CTNNA2: variants seen among roughly 807,000 people sequenced by gnomAD.
CTNNA2 encodes catenin alpha 2, also known as catenin alpha-2.
In CTNNA2, 42 loss-of-function variants were observed where a neutral mutation model predicts 101.0. The ratio of observed to expected loss-of-function variants is 0.42; its 90% CI spans 0.32 to 0.54. The LOEUF is 0.54. Among genes scored for constraint, CTNNA2 ranks in the 20% least tolerant of loss-of-function variants. CTNNA2 has a pLI of 0.14. For missense variants in CTNNA2, 871 were observed against 1,223.1 expected, an observed-to-expected ratio of 0.71 and a Z score of 4.29; for synonymous variants, 450 against 456.4, an observed-to-expected ratio of 0.99 and a Z score of 0.18.
intron 18 of CTNNA2, among the ~76,000 whole-genome samples, chr2:80,634,910 T>C (rs1373344265): frequency 4.6e-5 from 7 of 152,108 alleles, no homozygotes; most frequent in South Asian, 4.1e-4. Flanking sequence ...TGAAGAGGCA[T>C]GCACGAGGGT....
intron 4 of CTNNA2, among the ~76,000 whole-genome samples, chr2:79,480,451 A>C (rs766936103): frequency 6.6e-6 from 1 of 152,168 alleles, no homozygotes; most frequent in Non-Finnish European, 1.5e-5. Context: ...GAAGACTCAG[A>C]TCTTTCTTCA....
intron 9 of CTNNA2, among the ~76,000 whole-genome samples, chr2:80,507,671 G>C (rs1688380450): frequency 6.6e-6 from 1 of 152,116 alleles, no homozygotes; most frequent in Non-Finnish European, 1.5e-5. Flanking sequence ...CTTGCTCACT[G>C]TCAGGAACTA....
intron 4 of CTNNA2, among the ~76,000 whole-genome samples, chr2:79,457,212 A>C (rs1221306170): frequency 1.3e-5 from 2 of 151,824 alleles, no homozygotes; most frequent in African/African-American, 4.8e-5. Context: ...AAAAAAAAAA[A>C]AAAAGAAAAA....
At chr2:80,151,068 G>A (rs1703664843) in intron 7 of CTNNA2, among the ~76,000 whole-genome samples, 1 of 152,176 alleles carries the variant, frequency 6.6e-6, no homozygotes, top group South Asian at 2.1e-4. Context: ...TTCTCTGTAA[G>A]CCTACTTTAA....
intron 1 of CTNNA2, among the ~76,000 whole-genome samples, chr2:79,560,881 G>T (rs757440027): frequency 2.0e-5 from 3 of 151,746 alleles, no homozygotes; most frequent in African/African-American, 4.8e-5. Context: ...TAATTCCTGA[G>T]ATTTTTGTTC....
intron 7 of CTNNA2, chr2:80,162,643 T>C (rs886757127): frequency 2.0e-5 from 33 of 1,612,244 alleles, no homozygotes; most frequent in African/African-American, 2.7e-5. Context: ...TGAGAATTCA[T>C]TCTGACTTTA....
chr2:79,931,062 A>G (rs1272317631), intron 7 of CTNNA2, among the ~76,000 whole-genome samples: 2 of 152,180 alleles, frequency 1.3e-5, no homozygotes, highest in Non-Finnish European at 2.9e-5. Flanking sequence ...TTTTTAAATT[A>G]TGAAATTTCA....
intron 12 of CTNNA2, among the ~76,000 whole-genome samples, chr2:80,565,940 T>C (rs1694020047): frequency 6.6e-6 from 1 of 152,188 alleles, no homozygotes; most frequent in African/African-American, 2.4e-5. Context: ...CGTGTAAAAT[T>C]AAATATCAAG....
At chr2:80,369,717 T>C (rs1310200801) in intron 7 of CTNNA2, among the ~76,000 whole-genome samples, 1 of 152,088 alleles carries the variant, frequency 6.6e-6, no homozygotes, top group Non-Finnish European at 1.5e-5. Context: ...ATTTGAGTCT[T>C]CAAAGGTAGA....
chr2:80,589,597 G>A lies in CTNNA2; in HGVS notation c.2189+112G>A, dbSNP rs972361055. 22 of 970,984 alleles carry A rather than the reference G, an allele frequency of 2.3e-5. No individual in the cohort carries two copies. The African/African-American group carries it at 3.5e-4, about 15-fold the overall frequency. 60.1% of individuals were successfully genotyped at this position (970,984 alleles called of 1,614,324 possible). A position where few individuals can be genotyped will look rare whatever the true frequency, so the allele number is the denominator to read the frequency against. Reference sequence around the variant, plus strand: ...AAATTAAAATATACCAACGCAAGGTGGTGGTATTATAAATTTACATGTATA... The same window carrying A: ...AAATTAAAATATACCAACGCAAGGTAGTGGTATTATAAATTTACATGTATA... On this transcript the variant is annotated intron_variant, in intron 15 of 18. Transcript: ENST00000402739.
chr2:79,693,518 C>T (rs1012021755), intron 2 of CTNNA2, among the ~76,000 whole-genome samples: 2 of 151,712 alleles, frequency 1.3e-5, no homozygotes, highest in Non-Finnish European at 2.9e-5. Context: ...TGTTTTTGTA[C>T]TAATGGGAAT....
chr2:80,274,287 C>T (rs566741258), intron 7 of CTNNA2, among the ~76,000 whole-genome samples: 1 of 152,240 alleles, frequency 6.6e-6, no homozygotes, highest in African/African-American at 2.4e-5. Context: ...AGAGACTGTC[C>T]TTTTGCAAAA....
At chr2:79,879,726 G>A (rs1683282466) in intron 6 of CTNNA2, among the ~76,000 whole-genome samples, 1 of 152,116 alleles carries the variant, frequency 6.6e-6, no homozygotes, top group African/African-American at 2.4e-5. Context: ...GGGCTGACAT[G>A]ATGGGGTTTT....
At chr2:79,202,015 A>C (rs961757566) in intron 2 of CTNNA2, among the ~76,000 whole-genome samples, 1 of 152,220 alleles carries the variant, frequency 6.6e-6, no homozygotes, top group Non-Finnish European at 1.5e-5. Flanking sequence ...GGGAGCTTCC[A>C]GATTAGAAGT....
intron 2 of CTNNA2, among the ~76,000 whole-genome samples, chr2:79,678,270 G>A (rs535612331): frequency 1.3e-5 from 2 of 152,048 alleles, no homozygotes; most frequent in African/African-American, 4.8e-5. Context: ...TGCTGGGCGC[G>A]GTAGCTCACT....
At chr2:80,162,376 A>C in intron 7 of CTNNA2, 5 of 1,392,780 alleles carry the variant, frequency 3.6e-6, no homozygotes, top group Non-Finnish European at 4.8e-6. Flanking sequence ...GTTTTTCAAC[A>C]AAATATTTCC....
intron 7 of CTNNA2, among the ~76,000 whole-genome samples, chr2:80,365,870 AGAG>A (rs1210188422): frequency 6.6e-6 from 1 of 152,190 alleles, no homozygotes; most frequent in South Asian, 2.1e-4. Flanking sequence ...TCAATGAATC[AGAG>A]GAGAAGAGTG....
intron 9 of CTNNA2, among the ~76,000 whole-genome samples, chr2:80,463,972 A>G (rs1684659671): frequency 6.6e-6 from 1 of 152,024 alleles, no homozygotes; most frequent in Non-Finnish European, 1.5e-5. Flanking sequence ...CTCCTTTTTC[A>G]TCTTCTGCCT....
rs1324568636 is a variant in CTNNA2 at position 79,777,890 on chromosome 2, G to C, written c.298+33308G>C. On this transcript the variant is annotated intron_variant, in intron 3 of 18. Coordinates refer to ENST00000402739, the MANE Select transcript of CTNNA2 (RefSeq NM_001282597.3). ...CACCAGTCATAGATTTATTTGCATG[G>C]GGTTTTTTTTTTTTTTTTGTACTTG... is the stretch of plus-strand genomic sequence containing the variant. Among the ~76,000 whole-genome samples the C allele has an allele frequency of 1.9e-4, 26 of 137,440 alleles. No individual in the cohort carries two copies. The Admixed American group carries it at 1.9e-3, about 10-fold the overall frequency. 90.2% of individuals were successfully genotyped at this position (137,440 alleles called of 152,430 possible).
Sources: gnomAD v4.1 joint callset for allele counts (sites outside exome capture counted in the v4.1 genomes callset) on GRCh38, gnomAD v4.1.1 for gene constraint, MANE v1.5 for transcripts, NCBI Gene and HGNC (gene_info 2026-07-23, HGNC 2026-07-21) for gene names.